The following RBFOX1 variants were observed in gnomAD, a reference collection of about 807,000 sequenced individuals.
RBFOX1 encodes the protein RNA binding fox-1 homolog 1.
In RBFOX1, 8 loss-of-function variants were observed where a neutral mutation model predicts 57.7. That is an observed-to-expected ratio of 0.14 (90% CI 0.08 to 0.25). RBFOX1 has a LOEUF of 0.25. RBFOX1 is among the 10% of genes least tolerant of loss of function. The pLI is 1.00. For synonymous variants in RBFOX1, 326 were observed against 222.4 expected, an observed-to-expected ratio of 1.47 and a Z score of -4.15; for missense variants, 611 against 548.5, an observed-to-expected ratio of 1.11 and a Z score of -1.14.
At chr16:5,985,280 T>C (rs8051711) in intron 4 of RBFOX1, among the ~76,000 whole-genome samples, 129,942 of 151,798 alleles carry the variant, frequency 0.86, 56,106 homozygotes, top group East Asian at 1. Context: ...GCATGAGTCA[T>C]CATGTCCGGC....
At position 7,044,043 on chromosome 16, in the gene RBFOX1, G is replaced by T. The variant is rs149275441; in HGVS notation, c.-15-8014G>T. ...TCACTGTACAAATGTTCTCTGTATT[G>T]TAATTATCCATAGACTCATCTTTTT... On this transcript the variant is annotated intron_variant, in intron 3 of 15. Transcript: ENST00000550418. 4.2e-4 allele frequency among the ~76,000 whole-genome samples: 64 copies of T among 152,260 alleles called. 1 individual carries two copies. The highest frequency in any genetic ancestry group is 1.4e-3 in the African/African-American group (58 of 41,554).
intron 5 of RBFOX1, among the ~76,000 whole-genome samples, chr16:7,539,246 G>T (rs989263058): frequency 6.6e-6 from 1 of 152,144 alleles, no homozygotes; most frequent in African/African-American, 2.4e-5. Context: ...AGGGACATGA[G>T]ATCAGGGAAG....
At chr16:5,375,584 T>A (rs1268404003) in intron 1 of RBFOX1, among the ~76,000 whole-genome samples, 1 of 152,150 alleles carries the variant, frequency 6.6e-6, no homozygotes, top group East Asian at 1.9e-4. Context: ...AGTCCCACAT[T>A]CTGTGTGAAT....
intron 2 of RBFOX1, among the ~76,000 whole-genome samples, chr16:6,635,538 G>A (rs2098424411): frequency 6.6e-6 from 1 of 152,076 alleles, no homozygotes; most frequent in Non-Finnish European, 1.5e-5. Flanking sequence ...GAGACAGTGA[G>A]CCAAGTTTCT....
At chr16:6,801,008 AAGTG>A (rs1306288591) in intron 3 of RBFOX1, among the ~76,000 whole-genome samples, 1 of 152,088 alleles carries the variant, frequency 6.6e-6, no homozygotes, top group African/African-American at 2.4e-5. Flanking sequence ...ATAAATGAAA[AAGTG>A]AGAATCATTT....
At chr16:7,298,415 A>C in intron 4 of RBFOX1, among the ~76,000 whole-genome samples, 1 of 151,408 alleles carries the variant, frequency 6.6e-6, no homozygotes, top group Non-Finnish European at 1.5e-5. Context: ...CTGCCTCCCA[A>C]GTAGCTGGGA....
intron 4 of RBFOX1, among the ~76,000 whole-genome samples, chr16:5,935,619 C>T (rs996524384): frequency 2.0e-5 from 3 of 152,130 alleles, no homozygotes; most frequent in African/African-American, 7.2e-5. Context: ...CATACTTACA[C>T]AGGACTTGTT....
chr16:5,823,800 C>T (rs574355298), intron 3 of RBFOX1, among the ~76,000 whole-genome samples: 5 of 152,296 alleles, frequency 3.3e-5, no homozygotes, highest in Non-Finnish European at 5.9e-5. Flanking sequence ...TGTCTAATTG[C>T]AGGAAAACAA....
chr16:5,581,546 T>C (rs1446706208), intron 2 of RBFOX1, among the ~76,000 whole-genome samples: 1 of 152,184 alleles, frequency 6.6e-6, no homozygotes, highest in East Asian at 1.9e-4. Context: ...ACAGGGCTAA[T>C]GGGCATGATG....
At chr16:6,849,038 C>T (rs977722989) in intron 3 of RBFOX1, among the ~76,000 whole-genome samples, 1 of 152,188 alleles carries the variant, frequency 6.6e-6, no homozygotes, top group African/African-American at 2.4e-5. Flanking sequence ...GCTTACGTGT[C>T]CCTGAACCTG....
intron 4 of RBFOX1, among the ~76,000 whole-genome samples, chr16:7,243,155 A>G (rs1469292147): frequency 6.6e-6 from 1 of 152,220 alleles, no homozygotes. Flanking sequence ...TAACACACCC[A>G]GTATTAAATC....
At chr16:6,964,577 T>C (rs2083697957) in intron 3 of RBFOX1, among the ~76,000 whole-genome samples, 1 of 152,174 alleles carries the variant, frequency 6.6e-6, no homozygotes, top group African/African-American at 2.4e-5. Context: ...GGAATCTCTT[T>C]ATACTTGCTG....
At chr16:7,218,671 T>C (rs2092466029) in intron 4 of RBFOX1, among the ~76,000 whole-genome samples, 1 of 150,770 alleles carries the variant, frequency 6.6e-6, no homozygotes, top group Non-Finnish European at 1.5e-5. Context: ...TGTGTGTGTG[T>C]GTGTGTGTGT....
chr16:6,696,034 C>G (rs1248832611), intron 3 of RBFOX1, among the ~76,000 whole-genome samples: 1 of 152,116 alleles, frequency 6.6e-6, no homozygotes, highest in African/African-American at 2.4e-5. Context: ...CTGGCAAAGA[C>G]GTTTACCTTG....
intron 4 of RBFOX1, among the ~76,000 whole-genome samples, chr16:5,941,567 G>A (rs1294101757): frequency 2.6e-5 from 4 of 151,952 alleles, no homozygotes; most frequent in African/African-American, 4.8e-5. Flanking sequence ...CAGAAATTGT[G>A]CTTACTTTGC....
intron 1 of RBFOX1, among the ~76,000 whole-genome samples, chr16:5,395,171 C>G (rs189751484): frequency 3.5e-4 from 54 of 152,324 alleles, no homozygotes; most frequent in African/African-American, 1.3e-3. Flanking sequence ...TCCCAGAGCA[C>G]TGCACTTTCA....
chr16:7,124,062 T>C (rs2067824566), intron 4 of RBFOX1, among the ~76,000 whole-genome samples: 1 of 152,214 alleles, frequency 6.6e-6, no homozygotes, highest in Admixed American at 6.5e-5. Context: ...ATATTACACA[T>C]ATATTACATG....
At chr16:5,805,473 G>T (rs1179731950) in intron 3 of RBFOX1, among the ~76,000 whole-genome samples, 1 of 152,130 alleles carries the variant, frequency 6.6e-6, no homozygotes, top group African/African-American at 2.4e-5. Context: ...TGTATTTCAG[G>T]GTTGGAGATC....
intron 12 of RBFOX1, 81 bp from the exon 13 acceptor site, chr16:7,664,848 C>A (rs1469649407): frequency 6.2e-7 from 1 of 1,612,256 alleles, no homozygotes; most frequent in South Asian, 1.1e-5. Flanking sequence ...ACCAGACTAA[C>A]CTCGCCAGTG....
Sources: gnomAD v4.1 joint callset for allele counts (sites outside exome capture counted in the v4.1 genomes callset) on GRCh38, gnomAD v4.1.1 for gene constraint, MANE v1.5 for transcripts, NCBI Gene and HGNC (gene_info 2026-07-23, HGNC 2026-07-21) for gene names.